KANSL1L: variants seen among roughly 807,000 people sequenced by gnomAD.
KANSL1L encodes KAT8 regulatory NSL complex subunit 1 like, also known as KAT8 regulatory NSL complex subunit 1-like protein.
Under a neutral mutation model 108.6 loss-of-function variants are expected in KANSL1L, and 25 were observed. That is an observed-to-expected ratio of 0.23 (90% CI 0.17 to 0.32). The LOEUF (loss-of-function observed/expected upper bound fraction) is 0.32, where lower values mean the gene tolerates loss of function less well. Among genes scored for constraint, KANSL1L ranks in the 10% least tolerant of loss-of-function variants. KANSL1L has a pLI of 1.00. For synonymous variants in KANSL1L, 405 were observed against 395.1 expected, an observed-to-expected ratio of 1.03 and a Z score of -0.30; for missense variants, 1,137 against 1,125.7, an observed-to-expected ratio of 1.01 and a Z score of -0.14.
intron 13 of KANSL1L, among the ~76,000 whole-genome samples, chr2:210,024,454 C>T (rs1020787048): frequency 6.6e-6 from 1 of 151,960 alleles, no homozygotes; most frequent in South Asian, 2.1e-4. Context: ...TTTGGGTTTG[C>T]TTTTGTCTTT....
rs182734927 is a variant in KANSL1L, at chr2:210,039,362, A to G, written c.2029+1058T>C. ...CTCATGTAGGTACTCGTTAAGTTTG[A>G]TTAAAAATACTTTATATTTTCATTG... On this transcript the variant is annotated intron_variant, in intron 8 of 14. Transcript: ENST00000281772. Among the ~76,000 whole-genome samples, 9 of 151,994 alleles carry G rather than the reference A, an allele frequency of 5.9e-5. No homozygotes were observed. In the East Asian group the frequency reaches 1.7e-3, roughly 29 times the overall value.
At chr2:210,047,700 T>C (rs1411461019) in intron 6 of KANSL1L, among the ~76,000 whole-genome samples, 3 of 152,220 alleles carry the variant, frequency 2.0e-5, no homozygotes, top group African/African-American at 4.8e-5. Flanking sequence ...TCTGTCTCTA[T>C]TGTCTGTTTT....
chr2:210,167,950 C>T (rs1233976317), intron 1 of KANSL1L, among the ~76,000 whole-genome samples: 1 of 151,732 alleles, frequency 6.6e-6, no homozygotes, highest in Non-Finnish European at 1.5e-5. Flanking sequence ...TGAAAAGTCC[C>T]CATAAAACAA....
chr2:210,129,286 T>C (rs1032267554), intron 2 of KANSL1L, 114 bp from the exon 3 acceptor site: 6 of 794,044 alleles, frequency 7.6e-6, no homozygotes, highest in African/African-American at 3.5e-5. Context: ...TTCTACAACA[T>C]GTAATTACAG....
At chr2:210,150,102 G>GTT (rs2095291723) in intron 2 of KANSL1L, among the ~76,000 whole-genome samples, 2 of 152,212 alleles carry the variant, frequency 1.3e-5, no homozygotes, top group Admixed American at 1.3e-4. Context: ...AATAATGCAA[G>GTT]AGGCCAGAAG....
chr2:210,036,850 AG>A (rs2094109745), intron 8 of KANSL1L, among the ~76,000 whole-genome samples: 2 of 151,830 alleles, frequency 1.3e-5, no homozygotes, highest in African/African-American at 4.8e-5. Context: ...TCAACCTCCC[AG>A]GCTCGGATGA....
intron 3 of KANSL1L, among the ~76,000 whole-genome samples, chr2:210,120,341 G>A (rs1350635755): frequency 2.6e-5 from 4 of 152,182 alleles, no homozygotes; most frequent in African/African-American, 9.6e-5. Flanking sequence ...GCAGTGAGCG[G>A]AGATCACGCC....
At chr2:210,076,090 ATTCT>A (rs1300738230) in intron 5 of KANSL1L, among the ~76,000 whole-genome samples, 3 of 152,210 alleles carry the variant, frequency 2.0e-5, no homozygotes, top group Non-Finnish European at 4.4e-5. Flanking sequence ...TTTACACAAA[ATTCT>A]TTTTGTGTAT....
In KANSL1L at chr2:210,074,179, G is replaced by T. The variant is rs187160863; in HGVS notation, c.1755+1373C>A. Among the ~76,000 whole-genome samples, 234 of 152,110 alleles carry T rather than the reference G, an allele frequency of 1.5e-3. 2 individuals are homozygous for T. Among genetic ancestry groups the T allele is most frequent in the African/African-American group, 5.4e-3 (224 of 41,478 alleles). ...TGACAATATGGGAGATAAGCTGAGG[G>T]TAACAGAATTTGCTATTCTCCATCA... is the stretch of plus-strand genomic sequence containing the variant. On this transcript the variant is annotated intron_variant, in intron 6 of 14. Transcript: ENST00000281772.
At chr2:210,053,295 A>C (rs2094313178) in intron 6 of KANSL1L, among the ~76,000 whole-genome samples, 1 of 152,104 alleles carries the variant, frequency 6.6e-6, no homozygotes, top group African/African-American at 2.4e-5. Context: ...CAATAAAATA[A>C]TCTCTAGTGA....
At chr2:210,127,629 T>C (rs2095078325) in intron 3 of KANSL1L, among the ~76,000 whole-genome samples, 1 of 151,148 alleles carries the variant, frequency 6.6e-6, no homozygotes, top group Non-Finnish European at 1.5e-5. Flanking sequence ...GGAGATCCCA[T>C]CTCTACAAAA....
At chr2:210,152,265 A>G (rs538578882) in intron 2 of KANSL1L, 8 of 152,340 alleles carry the variant, frequency 5.3e-5, no homozygotes, top group Admixed American at 2.6e-4. Flanking sequence ...AGATCCCCTG[A>G]AAACTAAATT....
At chr2:210,073,140 C>A (rs2094518920) in intron 6 of KANSL1L, among the ~76,000 whole-genome samples, 1 of 152,078 alleles carries the variant, frequency 6.6e-6, no homozygotes, top group African/African-American at 2.4e-5. Context: ...ATGTCTTTAT[C>A]ATTTTTTTAA....
intron 11 of KANSL1L, 132 bp from the exon 12 acceptor site, chr2:210,027,482 A>C: frequency 1.6e-6 from 1 of 617,302 alleles, no homozygotes; most frequent in Non-Finnish European, 2.9e-6. Context: ...TTTAATACTT[A>C]ATTTTTTAAA....
At chr2:210,023,983 G>T in intron 14 of KANSL1L, 50 bp downstream of exon 14, 3 of 1,246,302 alleles carry the variant, frequency 2.4e-6, no homozygotes, top group Non-Finnish European at 3.3e-6. Flanking sequence ...CTACAAACAA[G>T]TAGTTAAAAG....
At chr2:210,094,831 A>C (rs1367298418) in intron 5 of KANSL1L, among the ~76,000 whole-genome samples, 2 of 152,060 alleles carry the variant, frequency 1.3e-5, no homozygotes, top group Non-Finnish European at 2.9e-5. Context: ...AGGGATTAAA[A>C]AAAAAAAATT....
chr2:210,106,957 CAG>C (rs2094853015), intron 3 of KANSL1L, among the ~76,000 whole-genome samples: 1 of 151,906 alleles, frequency 6.6e-6, no homozygotes, highest in African/African-American at 2.4e-5. Flanking sequence ...GGGGACACAG[CAG>C]AGAGTTTCTG....
chr2:210,164,374 G>A (rs2095376175), intron 1 of KANSL1L, among the ~76,000 whole-genome samples: 1 of 152,032 alleles, frequency 6.6e-6, no homozygotes, highest in South Asian at 2.1e-4. Flanking sequence ...AAAAGCACCT[G>A]GATCTTCCTA....
intron 11 of KANSL1L, 42 bp downstream of exon 11, chr2:210,028,803 G>A (rs777420528): frequency 7.2e-7 from 1 of 1,396,616 alleles, no homozygotes; most frequent in Non-Finnish European, 9.8e-7. Context: ...AAGTTTATTA[G>A]GGAAGGAAGG....
Sources: allele counts gnomAD v4.1 joint callset (sites outside exome capture counted in the v4.1 genomes callset), GRCh38; gene constraint gnomAD v4.1.1; transcripts MANE v1.5; gene names NCBI Gene and HGNC (gene_info 2026-07-23, HGNC 2026-07-21).